Variants in MSRA observed in about 807,000 individuals in gnomAD.
MSRA encodes the protein mitochondrial peptide methionine sulfoxide reductase.
A neutral mutation model predicts 31.3 loss-of-function variants in MSRA; 54 were observed. The observed-to-expected ratio is 1.73, with a 90% confidence interval of 1.39 to 2.17. The LOEUF (loss-of-function observed/expected upper bound fraction) is 2.17, where lower values mean the gene tolerates loss of function less well. MSRA is among the 30% of genes most tolerant of loss of function. The pLI is 0.00. For synonymous variants in MSRA, 169 were observed against 116.5 expected, an observed-to-expected ratio of 1.45 and a Z score of -2.90; for missense variants, 507 against 300.9, an observed-to-expected ratio of 1.69 and a Z score of -5.07.
intron 2 of MSRA, among the ~76,000 whole-genome samples, chr8:10,214,767 C>G (rs933485270): frequency 1.3e-5 from 2 of 152,222 alleles, no homozygotes; most frequent in East Asian, 1.9e-4. Context: ...GCCTTCCTCC[C>G]TGGGTAATTT....
intron 1 of MSRA, among the ~76,000 whole-genome samples, chr8:10,178,810 A>G (rs1806288517): frequency 6.6e-6 from 1 of 152,172 alleles, no homozygotes; most frequent in African/African-American, 2.4e-5. Flanking sequence ...TACTAGATAA[A>G]GAGGCAGGGA....
intron 3 of MSRA, among the ~76,000 whole-genome samples, chr8:10,273,157 T>G (rs1799134916): frequency 6.6e-6 from 1 of 152,210 alleles, no homozygotes; most frequent in Non-Finnish European, 1.5e-5. Context: ...ATTTGAATTT[T>G]GTTTTAGTCT....
At chr8:10,327,362 C>T (rs1483737424) in intron 5 of MSRA, among the ~76,000 whole-genome samples, 2 of 152,170 alleles carry the variant, frequency 1.3e-5, no homozygotes, top group East Asian at 1.9e-4. Flanking sequence ...TATTATCTCT[C>T]ATCTCTGCGT....
intron 5 of MSRA, among the ~76,000 whole-genome samples, chr8:10,367,595 A>C (rs1585599671): frequency 6.6e-6 from 1 of 152,272 alleles, no homozygotes; most frequent in South Asian, 2.1e-4. Flanking sequence ...TTTATTAGCA[A>C]TGGCCCTGTG....
intron 5 of MSRA, among the ~76,000 whole-genome samples, chr8:10,402,163 G>T (rs1213924238): frequency 6.6e-6 from 1 of 152,144 alleles, no homozygotes; most frequent in Non-Finnish European, 1.5e-5. Flanking sequence ...ATTGCTGAGG[G>T]TTCCTGTCCA....
At chr8:10,214,663 C>T (rs547454994) in intron 2 of MSRA, among the ~76,000 whole-genome samples, 4 of 152,186 alleles carry the variant, frequency 2.6e-5, no homozygotes, top group East Asian at 3.9e-4. Flanking sequence ...TTATAATTAG[C>T]GAAACAATCT....
chr8:10,324,065 C>A (rs898183901), intron 5 of MSRA, among the ~76,000 whole-genome samples: 1 of 152,180 alleles, frequency 6.6e-6, no homozygotes, highest in African/African-American at 2.4e-5. Context: ...GAGTTTCAGA[C>A]TAGACCAGTG....
At chr8:10,091,298 G>T (rs1204062456) in intron 1 of MSRA, among the ~76,000 whole-genome samples, 1 of 152,112 alleles carries the variant, frequency 6.6e-6, no homozygotes, top group South Asian at 2.1e-4. Flanking sequence ...TGTATTTATG[G>T]TGTATAACAT....
intron 1 of MSRA, among the ~76,000 whole-genome samples, chr8:10,113,958 C>T (rs1481666632): frequency 3.9e-5 from 6 of 152,168 alleles, no homozygotes; most frequent in Non-Finnish European, 8.8e-5. Context: ...TTAGCACTCA[C>T]TCCTCATTCT....
intron 1 of MSRA, among the ~76,000 whole-genome samples, chr8:10,125,039 C>G (rs1473175446): frequency 2.0e-5 from 3 of 152,210 alleles, no homozygotes; most frequent in South Asian, 2.1e-4. Context: ...TTCACCTGTT[C>G]CATCTTCTTG....
At chr8:10,417,516 G>A (rs1808538891) in intron 5 of MSRA, among the ~76,000 whole-genome samples, 3 of 151,896 alleles carry the variant, frequency 2.0e-5, no homozygotes, top group Admixed American at 2.0e-4. Context: ...CCTTCCTTGT[G>A]GCTGAACCGC....
chr8:10,355,750 C>T (rs1804470459), intron 5 of MSRA, among the ~76,000 whole-genome samples: 1 of 152,084 alleles, frequency 6.6e-6, no homozygotes, highest in Non-Finnish European at 1.5e-5. Context: ...TGAGGGTCTG[C>T]AGATGCAGGT....
intron 3 of MSRA, among the ~76,000 whole-genome samples, chr8:10,251,864 G>GT (rs1018575578): frequency 1.5e-4 from 22 of 150,212 alleles, no homozygotes; most frequent in Non-Finnish European, 2.4e-4. Flanking sequence ...GACATGGTGG[G>GT]GGGGGGGGGA....
At chr8:10,423,603 C>G (rs1240219022) in intron 5 of MSRA, among the ~76,000 whole-genome samples, 1 of 152,196 alleles carries the variant, frequency 6.6e-6, no homozygotes, top group Non-Finnish European at 1.5e-5. Flanking sequence ...CCACCCCACT[C>G]TCCCTGCAGA....
intron 1 of MSRA, among the ~76,000 whole-genome samples, chr8:10,061,899 C>T (rs973118799): frequency 6.6e-6 from 1 of 152,216 alleles, no homozygotes; most frequent in African/African-American, 2.4e-5. Context: ...TAGGCATCTG[C>T]AGCAGTGGTG....
chr8:10,165,649 G>A (rs1159651545), intron 1 of MSRA, among the ~76,000 whole-genome samples: 1 of 152,154 alleles, frequency 6.6e-6, no homozygotes, highest in Non-Finnish European at 1.5e-5. Context: ...TGTAGACCGA[G>A]TCTACGTCCT....
At chr8:10,094,887 C>G (rs1301878515) in intron 1 of MSRA, among the ~76,000 whole-genome samples, 1 of 152,126 alleles carries the variant, frequency 6.6e-6, no homozygotes, top group South Asian at 2.1e-4. Context: ...ATTAAATTGA[C>G]CTTAGATGTT....
In MSRA at chr8:10,149,000, A is replaced by G. The variant is rs2129035389; in HGVS notation, c.143-58833A>G. Among the ~76,000 whole-genome samples the G allele has an allele frequency of 2.7e-5, 4 of 149,562 alleles. No homozygotes were observed. The Middle Eastern group carries it at 0.014, about 512-fold the overall frequency. On this transcript the variant is annotated intron_variant, in intron 1 of 5. Coordinates refer to ENST00000317173, the MANE Select transcript of MSRA (RefSeq NM_012331.5). ...GAGACATAGTGTCACTCTGTCGCCC[A>G]GGCTGGGTGCAATGGTTCAGTCTTG...
intron 1 of MSRA, among the ~76,000 whole-genome samples, chr8:10,069,179 C>T (rs528980684): frequency 6.0e-4 from 92 of 152,302 alleles, no homozygotes; most frequent in African/African-American, 2.1e-3. Flanking sequence ...TCTGGATTTT[C>T]TACATAGACA....
Sources: gnomAD v4.1 joint callset for allele counts (sites outside exome capture counted in the v4.1 genomes callset) on GRCh38, gnomAD v4.1.1 for gene constraint, MANE v1.5 for transcripts, NCBI Gene and HGNC (gene_info 2026-07-23, HGNC 2026-07-21) for gene names.